CAMTA1: variants seen among roughly 807,000 people sequenced by gnomAD.
The protein encoded by CAMTA1 is calmodulin-binding transcription activator 1.
A neutral mutation model predicts 170.9 loss-of-function variants in CAMTA1; 27 were observed. The observed-to-expected ratio is 0.16, with a 90% CI of 0.12 to 0.22. The LOEUF is 0.22. Among genes scored for constraint, CAMTA1 ranks in the 10% least tolerant of loss-of-function variants. CAMTA1 has a pLI of 1.00. For synonymous variants in CAMTA1, 833 were observed against 891.5 expected (o/e 0.93, Z 1.17); for missense variants, 1,619 against 2,217.2 (o/e 0.73, Z 5.42).
chr1:6,822,612 A>G (rs1308485871), intron 2 of CAMTA1, among the ~76,000 whole-genome samples: 1 of 151,852 alleles, frequency 6.6e-6, no homozygotes. Flanking sequence ...GTTCCTTTTG[A>G]CTCTGTGGCC....
intron 6 of CAMTA1, among the ~76,000 whole-genome samples, chr1:7,470,553 C>T (rs139390656): frequency 1.4e-3 from 210 of 152,276 alleles, no homozygotes; most frequent in African/African-American, 4.2e-3. Flanking sequence ...AGATGCCAGC[C>T]CCGAGCCAGC....
chr1:7,163,858 G>GC (rs1282577324), intron 4 of CAMTA1, among the ~76,000 whole-genome samples: 1 of 152,206 alleles, frequency 6.6e-6, no homozygotes, highest in Non-Finnish European at 1.5e-5. Context: ...CTTAGCACCT[G>GC]TCACATCCTT....
chr1:7,586,826 C>A (rs1015444919), intron 6 of CAMTA1, among the ~76,000 whole-genome samples: 2 of 152,054 alleles, frequency 1.3e-5, no homozygotes, highest in Non-Finnish European at 2.9e-5. Context: ...GTGGCTCCCA[C>A]GGTGGCTGCG....
chr1:6,800,421 G>A (rs915436613), intron 1 of CAMTA1, among the ~76,000 whole-genome samples: 2 of 151,766 alleles, frequency 1.3e-5, no homozygotes, highest in Non-Finnish European at 1.5e-5. Flanking sequence ...CAAACAAAAT[G>A]TAAAAAAATT....
intron 5 of CAMTA1, 122 bp from the exon 6 acceptor site, chr1:7,467,708 G>A (rs765807788): frequency 7.7e-5 from 68 of 882,064 alleles, no homozygotes; most frequent in Non-Finnish European, 1.1e-4. Context: ...AGGTGCCCTC[G>A]GTCTCCCTGG....
At chr1:6,958,617 T>C (rs896854816) in intron 3 of CAMTA1, among the ~76,000 whole-genome samples, 6 of 152,228 alleles carry the variant, frequency 3.9e-5, no homozygotes, top group African/African-American at 1.4e-4. Context: ...AATTGGGAAA[T>C]TTGAATGTGA....
chr1:7,133,058 T>C (rs1041515662), intron 4 of CAMTA1, among the ~76,000 whole-genome samples: 3 of 152,220 alleles, frequency 2.0e-5, no homozygotes, highest in African/African-American at 7.2e-5. Flanking sequence ...TCTTTCCTTA[T>C]AACATCTTAG....
intron 4 of CAMTA1, among the ~76,000 whole-genome samples, chr1:7,186,363 A>C (rs1209990499): frequency 1.3e-5 from 2 of 152,232 alleles, no homozygotes; most frequent in Admixed American, 1.3e-4. Context: ...GGATTAAATG[A>C]GATAATACCT....
intron 3 of CAMTA1, among the ~76,000 whole-genome samples, chr1:6,921,769 C>T (rs1026218526): frequency 4.6e-5 from 7 of 152,188 alleles, no homozygotes; most frequent in East Asian, 3.9e-4. Context: ...CTTATAATCC[C>T]GTCAGATCCC....
intron 2 of CAMTA1, among the ~76,000 whole-genome samples, chr1:6,823,251 G>A (rs569970120): frequency 1.3e-5 from 2 of 152,208 alleles, no homozygotes; most frequent in East Asian, 1.9e-4. Context: ...TTTATGGCCC[G>A]TGGAACCTCC....
At chr1:7,207,354 C>G (rs1657924357) in intron 4 of CAMTA1, among the ~76,000 whole-genome samples, 2 of 152,206 alleles carry the variant, frequency 1.3e-5, no homozygotes, top group African/African-American at 4.8e-5. Flanking sequence ...CTGACACTGA[C>G]AGGGAGGTCT....
At chr1:7,200,633 C>T (rs1174698509) in intron 4 of CAMTA1, among the ~76,000 whole-genome samples, 1 of 152,102 alleles carries the variant, frequency 6.6e-6, no homozygotes, top group African/African-American at 2.4e-5. Flanking sequence ...TCTGAGGTTC[C>T]GCATAGATTA....
intron 11 of CAMTA1, among the ~76,000 whole-genome samples, chr1:7,729,290 T>G (rs1296747179): frequency 1.3e-5 from 2 of 151,978 alleles, no homozygotes; most frequent in African/African-American, 2.4e-5. Context: ...CTAGCTTTTT[T>G]TGTGTTTTTA....
At chr1:7,091,245 C>T in intron 3 of CAMTA1, 59 bp from the exon 4 acceptor site, 6 of 1,268,942 alleles carry the variant, frequency 4.7e-6, no homozygotes, top group Non-Finnish European at 6.9e-6. Context: ...AACTTTCTTA[C>T]CTCTCAGGAT....
intron 5 of CAMTA1, among the ~76,000 whole-genome samples, chr1:7,452,422 G>A (rs1357653167): frequency 6.6e-6 from 1 of 152,222 alleles, no homozygotes; most frequent in Non-Finnish European, 1.5e-5. Context: ...CAATTCAGAA[G>A]CATTAGTACA....
intron 6 of CAMTA1, among the ~76,000 whole-genome samples, chr1:7,499,773 G>A (rs200610771): frequency 0.15 from 5,414 of 35,072 alleles, 392 homozygotes; most frequent in East Asian, 0.49. Context: ...TGTTGTGAGT[G>A]TGTGTGTCCA....
At chr1:7,528,150 G>A (rs1014409590) in intron 6 of CAMTA1, among the ~76,000 whole-genome samples, 1 of 152,154 alleles carries the variant, frequency 6.6e-6, no homozygotes, top group Non-Finnish European at 1.5e-5. Flanking sequence ...TCTTTAGATT[G>A]ACGAGAGCAG....
chr1:7,078,471 C>G (rs1639599448), intron 3 of CAMTA1, among the ~76,000 whole-genome samples: 2 of 152,188 alleles, frequency 1.3e-5, no homozygotes, highest in Non-Finnish European at 2.9e-5. Flanking sequence ...ATCTGTATCT[C>G]TACGGGCTTA....
chr1:7,022,512 T>C (rs1701504284), intron 3 of CAMTA1, among the ~76,000 whole-genome samples: 1 of 152,228 alleles, frequency 6.6e-6, no homozygotes, highest in African/African-American at 2.4e-5. Flanking sequence ...ATTTGGTCAG[T>C]TCTTGGTTTC....
Sources: gnomAD v4.1 joint callset for allele counts (sites outside exome capture counted in the v4.1 genomes callset) on GRCh38, gnomAD v4.1.1 for gene constraint, MANE v1.5 for transcripts, NCBI Gene and HGNC (gene_info 2026-07-23, HGNC 2026-07-21) for gene names.